The following TEX9 variants were observed in gnomAD, a reference collection of about 807,000 sequenced individuals.
TEX9 encodes the protein testis expressed 9.
In TEX9, 74 loss-of-function variants were observed where a neutral mutation model predicts 59.6. The observed-to-expected ratio is 1.24, with a 90% CI of 1.03 to 1.51. The LOEUF (loss-of-function observed/expected upper bound fraction) is 1.51, where lower values mean the gene tolerates loss of function less well. TEX9 is among the 40% of genes most tolerant of loss of function. The pLI, the probability that TEX9 is intolerant of heterozygous loss-of-function variation, is 0.00. For missense variants in TEX9, 522 were observed against 447.8 expected (o/e 1.17, Z -1.49); for synonymous variants, 186 against 152.2 (o/e 1.22, Z -1.64).
the TEX9 span, among the ~76,000 whole-genome samples, chr15:56,452,568 G>A: frequency 3.3e-5 from 5 of 150,804 alleles, no homozygotes; most frequent in Non-Finnish European, 7.4e-5. Flanking sequence ...GCCCAGGCTG[G>A]AGTGCAGTGG....
At chr15:56,355,034 A>G (rs1404191465) in intron 1 of TEX9, among the ~76,000 whole-genome samples, 2 of 152,208 alleles carry the variant, frequency 1.3e-5, no homozygotes, top group African/African-American at 2.4e-5. Flanking sequence ...TGGCATTTAT[A>G]TACAGTCATA....
chr15:56,364,621 T>C (rs2046861461), upstream of TEX9, among the ~76,000 whole-genome samples: 1 of 152,234 alleles, frequency 6.6e-6, no homozygotes. Context: ...TGATACATTT[T>C]AATTTTTGTA....
chr15:56,354,825 T>C (rs1030829780), intron 1 of TEX9, among the ~76,000 whole-genome samples: 12 of 152,050 alleles, frequency 7.9e-5, no homozygotes, highest in African/African-American at 2.7e-4. Flanking sequence ...TGAACAACAG[T>C]TGATGATACA....
At chr15:56,459,455 A>G in the TEX9 span, among the ~76,000 whole-genome samples, 17 of 152,294 alleles carry the variant, frequency 1.1e-4, no homozygotes, top group East Asian at 3.9e-4. Context: ...TATGCCTTCA[A>G]TTATCTCTTG....
At chr15:56,244,323 C>T (rs2043784251) in intron 1 of TEX9, 1 of 152,274 alleles carries the variant, frequency 6.6e-6, no homozygotes, top group African/African-American at 2.4e-5. Context: ...AAGAAGAACA[C>T]CCGTTGGAAT....
chr15:56,388,639 T>G, intron 5 of TEX9, 119 bp downstream of exon 5: 1 of 742,690 alleles, frequency 1.3e-6, no homozygotes, highest in South Asian at 1.9e-5. Flanking sequence ...AATATGAACC[T>G]TGATACTCAG....
chr15:56,364,380 C>G (rs1217468330), upstream of TEX9, among the ~76,000 whole-genome samples: 12 of 151,702 alleles, frequency 7.9e-5, no homozygotes, highest in African/African-American at 2.7e-4. Context: ...CTTGAACTCC[C>G]AACCTCAGGT....
intron 9 of TEX9, among the ~76,000 whole-genome samples, chr15:56,401,214 A>G (rs747485026): frequency 3.0e-4 from 44 of 148,584 alleles, no homozygotes; most frequent in Non-Finnish European, 5.5e-4. Context: ...AAGACCCATC[A>G]GTGTGCTGTA....
exon 3 of TEX9, chr15:56,373,491 C>A: frequency 1.3e-6 from 2 of 1,569,302 alleles, no homozygotes; most frequent in Non-Finnish European, 1.7e-6. Flanking sequence ...GTTCAACAAG[C>A]TAAGGAAATA....
chr15:56,262,157 C>T (rs1567065598), intron 1 of TEX9, among the ~76,000 whole-genome samples: 2 of 152,176 alleles, frequency 1.3e-5, no homozygotes, highest in Admixed American at 1.3e-4. Context: ...TGTTTTCCTC[C>T]TGCAGTATAT....
At chr15:56,352,039 C>A (rs1359113187) in intron 1 of TEX9, among the ~76,000 whole-genome samples, 3 of 152,090 alleles carry the variant, frequency 2.0e-5, no homozygotes, top group African/African-American at 7.2e-5. Context: ...ACATAAGAAA[C>A]CTTTTGGTCT....
chr15:56,313,988 T>G (rs2045691325), intron 1 of TEX9, among the ~76,000 whole-genome samples: 4 of 123,542 alleles, frequency 3.2e-5, no homozygotes, highest in Admixed American at 9.0e-5. Flanking sequence ...GTGGGATCGG[T>G]GATGATATCC....
chr15:56,358,807 C>T (rs1261159244), intron 1 of TEX9, among the ~76,000 whole-genome samples: 3 of 152,088 alleles, frequency 2.0e-5, no homozygotes, highest in Admixed American at 2.0e-4. Flanking sequence ...GTCCCCCATG[C>T]TGTTCTCGTG....
At chr15:56,303,123 C>T (rs1164186284) in intron 1 of TEX9, among the ~76,000 whole-genome samples, 1 of 152,194 alleles carries the variant, frequency 6.6e-6, no homozygotes, top group Admixed American at 6.5e-5. Flanking sequence ...GGGACTTCAA[C>T]ACCAACTTAC....
At chr15:56,440,149 A>C (rs1027293032) in intron 12 of TEX9, among the ~76,000 whole-genome samples, 1 of 152,240 alleles carries the variant, frequency 6.6e-6, no homozygotes, top group Admixed American at 6.5e-5. Flanking sequence ...CAAAGAGGAC[A>C]GCAAATAAGC....
intron 1 of TEX9, among the ~76,000 whole-genome samples, chr15:56,347,838 G>A (rs979620610): frequency 1.3e-5 from 2 of 151,808 alleles, no homozygotes; most frequent in African/African-American, 4.8e-5. Context: ...GCTATAGAGT[G>A]GCAGAAAATA....
chr15:56,319,884 A>G lies in TEX9; in HGVS notation c.-106-53557A>G, dbSNP rs184818529. On this transcript the variant is annotated intron_variant, in intron 1 of 5. Transcript: ENST00000560827. ...GGAGGATGGGTAGGTTCAATGCAAAACATAGGTTTGTTGAATGTGAGGTAG... is the reference window on the plus strand; with the variant it reads ...GGAGGATGGGTAGGTTCAATGCAAAGCATAGGTTTGTTGAATGTGAGGTAG... Among the ~76,000 whole-genome samples the G allele has an allele frequency of 6.4e-4, 98 of 152,320 alleles. 1 individual carries two copies. Among genetic ancestry groups the G allele is most frequent in the Middle Eastern group, 3.4e-3 (1 of 294 alleles).
At chr15:56,394,085 A>G in intron 7 of TEX9, 80 bp from the exon 8 acceptor site, 4 of 1,338,314 alleles carry the variant, frequency 3.0e-6, no homozygotes, top group Non-Finnish European at 4.1e-6. Context: ...TTTCTTCTTT[A>G]TAAAGTAATG....
intron 1 of TEX9, among the ~76,000 whole-genome samples, chr15:56,262,559 A>C (rs2044291160): frequency 6.6e-6 from 1 of 152,224 alleles, no homozygotes; most frequent in Non-Finnish European, 1.5e-5. Context: ...ATGTGCTTGA[A>C]AAGAACTGTA....
Sources: gnomAD v4.1 joint callset for allele counts (sites outside exome capture counted in the v4.1 genomes callset) on GRCh38, gnomAD v4.1.1 for gene constraint, MANE v1.5 for transcripts, NCBI Gene and HGNC (gene_info 2026-07-23, HGNC 2026-07-21) for gene names.